STARD8: variants seen among roughly 807,000 people sequenced by gnomAD.
STARD8 encodes stAR-related lipid transfer protein 8.
A neutral mutation model predicts 69.4 loss-of-function variants in STARD8; 25 were observed. The ratio of observed to expected loss-of-function variants is 0.36; its 90% CI spans 0.26 to 0.50. The LOEUF is 0.50. STARD8 is among the 20% of genes least tolerant of loss of function. The pLI is 0.96. For missense variants in STARD8, 921 were observed against 932.5 expected, an observed-to-expected ratio of 0.99 and a Z score of 0.16; for synonymous variants, 389 against 374.6, an observed-to-expected ratio of 1.04 and a Z score of -0.45.
Position 68,690,246 on chromosome X carries a change from C to T in STARD8, c.80-22668C>T, listed in dbSNP as rs181004624. Among the ~76,000 whole-genome samples the T allele has an allele frequency of 5.4e-5, 6 of 111,177 alleles. No individual in the cohort carries two copies. The East Asian group carries it at 1.4e-3, about 27-fold the overall frequency. On this transcript the variant is annotated intron_variant, in intron 2 of 14. Transcript: ENST00000374599. Reference sequence around the variant, plus strand: ...GTAATTCATTTTCCCCTCACTGCTCCTACCCCTTTTCTAAAAACTTCCCAG... The same window carrying T: ...GTAATTCATTTTCCCCTCACTGCTCTTACCCCTTTTCTAAAAACTTCCCAG...
Position 68,724,625 on chromosome X carries a change from C to A in STARD8, c.*203C>A. ...AAAAGAGAATTTAGGCAACTCCACTCCCCCTTCACCCCCAACCCTGTATTC... is the reference window on the plus strand; with the variant it reads ...AAAAGAGAATTTAGGCAACTCCACTACCCCTTCACCCCCAACCCTGTATTC... On this transcript the variant is annotated 3_prime_UTR_variant, in exon 15 of 15. Transcript: ENST00000374599. The A allele has an allele frequency of 2.5e-6, 1 of 396,756 alleles. No homozygotes were observed. The highest frequency in any genetic ancestry group is 6.9e-4 in the Middle Eastern group (1 of 1,456). The allele number at this position is 396,756 out of a possible 1,213,427, so 32.7% of individuals were successfully genotyped here.
chrX:68,684,814 A>T (rs998280000), intron 2 of STARD8, among the ~76,000 whole-genome samples: 1 of 112,849 alleles, frequency 8.9e-6, no homozygotes, highest in Non-Finnish European at 1.9e-5. Flanking sequence ...TAGTGGAAGG[A>T]GGAGCAGAGT....
Position 68,724,098 on chromosome X carries a change from A to G in STARD8, c.3171A>G (p.Thr1057=), listed in dbSNP as rs778411537. ...EPCGLGRSRL[T]HICRADLRGR... ...GCGGCTTGGGCCGCTCTCGGCTCAC[A>G]CACATCTGCCGGGCTGACCTCAGGT... The change falls in exon 14 of 15, where the codon ACA becomes ACG. Residue 1057 remains threonine, a synonymous_variant. Coordinates refer to ENST00000374599, the MANE Select transcript of STARD8 (RefSeq NM_001142503.3). 2.7e-5 allele frequency: 33 copies of G among 1,209,450 alleles called. 1 individual carries two copies. The highest frequency in any genetic ancestry group is 1.1e-4 in the Admixed American group (5 of 45,883).
At chrX:68,685,455 A>T (rs1275543068) in intron 2 of STARD8, among the ~76,000 whole-genome samples, 1 of 112,281 alleles carries the variant, frequency 8.9e-6, no homozygotes, top group Admixed American at 9.4e-5. Context: ...ACCATCCCCA[A>T]GTCAGGTAAT....
At chrX:68,664,596 A>T (rs1269629189) in intron 1 of STARD8, among the ~76,000 whole-genome samples, 1 of 111,763 alleles carries the variant, frequency 8.9e-6, no homozygotes, top group Non-Finnish European at 1.9e-5. Flanking sequence ...TCTCTGCTCA[A>T]AGTTCAGCTC....
At chrX:68,721,190 G>A (rs1406171826) in intron 9 of STARD8, 68 bp downstream of exon 9, 66 of 1,137,914 alleles carry the variant, frequency 5.8e-5, no homozygotes, top group Non-Finnish European at 7.4e-5. Flanking sequence ...CAGAACTTGT[G>A]GAAGATAAAC....
At chrX:68,648,062 C>A in intron 1 of STARD8, 135 bp downstream of exon 1, 1 of 802,767 alleles carries the variant, frequency 1.2e-6, no homozygotes, top group Non-Finnish European at 1.8e-6. Flanking sequence ...GTTAGAAAGG[C>A]TTGGGTTCAA....
chrX:68,654,636 CA>C (rs1280847479), intron 1 of STARD8, among the ~76,000 whole-genome samples: 2 of 111,973 alleles, frequency 1.8e-5, no homozygotes, highest in Non-Finnish European at 1.9e-5. Context: ...TCCAAGTATG[CA>C]TGAGACTTCC....
chrX:68,649,980 T>A (rs1270701382), intron 1 of STARD8, among the ~76,000 whole-genome samples: 1 of 111,043 alleles, frequency 9.0e-6, no homozygotes, highest in Non-Finnish European at 1.9e-5. Context: ...TTAAAGTGCC[T>A]TTGAGGTTTG....
At chrX:68,708,775 CT>C (rs1417051897) in intron 2 of STARD8, among the ~76,000 whole-genome samples, 1 of 112,633 alleles carries the variant, frequency 8.9e-6, no homozygotes, top group Non-Finnish European at 1.9e-5. Context: ...GCCTTTAAAA[CT>C]GCTGGCAGCC....
intron 2 of STARD8, among the ~76,000 whole-genome samples, chrX:68,688,129 AG>A (rs958654565): frequency 8.9e-6 from 1 of 112,412 alleles, no homozygotes; most frequent in African/African-American, 3.2e-5. Flanking sequence ...TGGAGGGGAA[AG>A]GGGGGAGCTG....
intron 11 of STARD8, 127 bp from the exon 12 acceptor site, chrX:68,722,295 C>T: frequency 1.2e-6 from 1 of 839,873 alleles, no homozygotes; most frequent in Non-Finnish European, 1.7e-6. Flanking sequence ...ACTCTTCCCC[C>T]ACAATGTTTC....
intron 2 of STARD8, among the ~76,000 whole-genome samples, chrX:68,679,507 A>G (rs916868036): frequency 8.9e-6 from 1 of 112,403 alleles, no homozygotes; most frequent in African/African-American, 3.2e-5. Flanking sequence ...TGAAGGGACA[A>G]TCACTTGGTC....
intron 1 of STARD8, among the ~76,000 whole-genome samples, chrX:68,662,836 C>A (rs1212065779): frequency 8.9e-6 from 1 of 112,063 alleles, no homozygotes; most frequent in Non-Finnish European, 1.9e-5. Context: ...ATAGCACTCA[C>A]ATTGAATTGT....
rs1277366123 is a variant in STARD8 at position 68,677,116 on chromosome X, A to G, written c.79+11584A>G. Among the ~76,000 whole-genome samples, 6 of 111,275 alleles carry G rather than the reference A, an allele frequency of 5.4e-5. No homozygotes were observed. The East Asian group carries it at 1.7e-3, about 31-fold the overall frequency. On this transcript the variant is annotated intron_variant, in intron 2 of 14. Transcript: ENST00000374599. Reference sequence around the variant, plus strand: ...GGCCGTGATCGTGGCACTGCACTCCAGCCTGGGTGACAGAGTGAGACCCTG... The same window carrying G: ...GGCCGTGATCGTGGCACTGCACTCCGGCCTGGGTGACAGAGTGAGACCCTG...
chrX:68,650,483 GA>G (rs1302377244), intron 1 of STARD8, among the ~76,000 whole-genome samples: 2 of 62,608 alleles, frequency 3.2e-5, no homozygotes, highest in African/African-American at 9.1e-4. Context: ...AGGAGGAGGG[GA>G]GGAGGAGGAG....
In STARD8 at chrX:68,704,838, C is replaced by T. The variant is rs140436470; in HGVS notation, c.80-8076C>T. ...TGCTGCAGCTCTAGATTTTGGGGAA[C>T]GGCCATTAGGAGATGTGGAAACTGA... On this transcript the variant is annotated intron_variant, in intron 2 of 14. Coordinates refer to ENST00000374599, the MANE Select transcript of STARD8 (RefSeq NM_001142503.3). Among the ~76,000 whole-genome samples the T allele has an allele frequency of 5.5e-3, 617 of 111,436 alleles. 4 individuals are homozygous for T. Among genetic ancestry groups the T allele is most frequent in the African/African-American group, 0.018 (556 of 30,624 alleles).
intron 2 of STARD8, among the ~76,000 whole-genome samples, chrX:68,670,832 A>C (rs1286081964): frequency 8.9e-6 from 1 of 111,736 alleles, no homozygotes; most frequent in Non-Finnish European, 1.9e-5. Flanking sequence ...AGCAAGAGTC[A>C]CGGGCGTTAC....
intron 2 of STARD8, among the ~76,000 whole-genome samples, chrX:68,692,766 G>A (rs1205498283): frequency 8.9e-6 from 1 of 112,686 alleles, no homozygotes; most frequent in Admixed American, 9.3e-5. Context: ...AGTTGAGGCA[G>A]GAGATTTTCT....
Sources: gnomAD v4.1 joint callset for allele counts (sites outside exome capture counted in the v4.1 genomes callset) on GRCh38, gnomAD v4.1.1 for gene constraint, MANE v1.5 for transcripts, NCBI Gene and HGNC (gene_info 2026-07-23, HGNC 2026-07-21) for gene names.